The following PACSIN3 variants were observed in gnomAD, a reference collection of about 807,000 sequenced individuals.
PACSIN3 encodes protein kinase C and casein kinase substrate in neurons 3.
Under a neutral mutation model 56.1 loss-of-function variants are expected in PACSIN3, and 34 were observed. The ratio of observed to expected loss-of-function variants is 0.61; its 90% CI spans 0.46 to 0.81. PACSIN3 has a LOEUF of 0.81. Ranked by LOEUF, PACSIN3 falls within the 30% of genes least tolerant of loss-of-function variation. The probability of loss-of-function intolerance (pLI) is 0.00; values close to 1 mark genes in which losing one functional copy is unlikely to be tolerated. For missense variants in PACSIN3, 535 were observed against 592.4 expected (o/e 0.90, Z 1.01); for synonymous variants, 218 against 229.8 (o/e 0.95, Z 0.46).
intron 1 of PACSIN3, among the ~76,000 whole-genome samples, chr11:47,185,006 C>T (rs1035370907): frequency 7.9e-5 from 12 of 152,226 alleles, no homozygotes; most frequent in African/African-American, 2.7e-4. Flanking sequence ...CCAGCCTGAC[C>T]TCTCAGCAAG....
rs756997544 is a variant in PACSIN3, at chr11:47,178,020, C to T, written c.1186G>A (p.Glu396Lys). The T allele has an allele frequency of 1.2e-6, 2 of 1,613,870 alleles. No homozygotes were observed. Among genetic ancestry groups the T allele is most frequent in the Admixed American group, 1.7e-5 (1 of 60,002 alleles). The change falls in exon 11 of 11, where the codon GAG becomes AAG. Residue 396 changes from glutamate (E) to lysine (K), a missense_variant. Physicochemically the swap from Glu to Lys is moderately conservative, Grantham distance 56 (BLOSUM62 1). Transcript: ENST00000298838. This position sits in a 1 kb window ranked among gnomAD's most constrained non-coding sequence, Gnocchi z 4.2. The stretch of plus-strand genomic sequence containing the variant: ...CCTTGGCACCAGCCCTGCTCGTCCT[C>T]CTCACTCATCTTCAGCAGCTCCTCC... ...AGEELLKMSE[E>K]DEQGWCQGQL...
chr11:47,183,740 G>C (rs1022193040), intron 1 of PACSIN3, among the ~76,000 whole-genome samples: 1 of 152,220 alleles, frequency 6.6e-6, no homozygotes, highest in East Asian at 1.9e-4. Flanking sequence ...ATGTCTCCCA[G>C]GCTGGGTGTG....
Position 47,179,699 on chromosome 11 carries a change from G to T in PACSIN3, c.604-113C>A. ...CTAGACCCAGGGCTAGCCACTAGGG[G>T]CAATCAGTCCCAAGACCCAGCTCCT... is the stretch of plus-strand genomic sequence containing the variant. On this transcript the variant is annotated intron_variant, in intron 6 of 10. Transcript: ENST00000298838. This position sits in a 1 kb window ranked among gnomAD's most constrained non-coding sequence, Gnocchi z 4.4. 9.8e-7 allele frequency: 1 copy of T among 1,016,286 alleles called. No homozygotes were observed. Among genetic ancestry groups the T allele is most frequent in the Non-Finnish European group, 1.4e-6 (1 of 705,884 alleles). 63.0% of individuals were successfully genotyped at this position (1,016,286 alleles called of 1,614,324 possible). A position where few individuals can be genotyped will look rare whatever the true frequency, so the allele number is the denominator to read the frequency against.
rs1018004808 is a variant in PACSIN3, at chr11:47,177,897, G to A, written c.*34C>T. The A allele has an allele frequency of 2.0e-5, 31 of 1,520,826 alleles. No homozygotes were observed. Among genetic ancestry groups the A allele is most frequent in the Non-Finnish European group, 2.8e-5 (31 of 1,095,336 alleles). The allele number at this position is 1,520,826 out of a possible 1,614,324, so 94.2% of individuals were successfully genotyped here. ...AGGAGAAGCTGGGCTCTGAACCAGG[G>A]TGGGTAAACGTTGCAGAAGGGCTGT... On this transcript the variant is annotated 3_prime_UTR_variant, in exon 11 of 11. Coordinates refer to ENST00000298838, the MANE Select transcript of PACSIN3 (RefSeq NM_016223.5).
chr11:47,180,788 G>T, intron 4 of PACSIN3, 98 bp from the exon 5 acceptor site: 3 of 886,536 alleles, frequency 3.4e-6, no homozygotes, highest in Non-Finnish European at 5.1e-6. Context: ...TGGGGTACGC[G>T]CATGGGGTGC....
intron 1 of PACSIN3, among the ~76,000 whole-genome samples, chr11:47,185,043 C>A (rs77654484): frequency 0.078 from 11,896 of 152,322 alleles, 482 homozygotes; most frequent in Non-Finnish European, 0.089. Flanking sequence ...GCACCTTGGC[C>A]CCCATTGAGC....
rs553427579 is a variant in PACSIN3, at chr11:47,178,449, G to A, written c.1076C>T (p.Pro359Leu). The A allele has an allele frequency of 6.2e-7, 1 of 1,613,890 alleles. No individual in the cohort carries two copies. Among genetic ancestry groups the A allele is most frequent in the East Asian group, 2.2e-5 (1 of 44,874 alleles). ...QDEEWSDEESPRKAATGVRVR... is the reference protein window; with the variant it reads ...QDEEWSDEESLRKAATGVRVR... ...CCGAACCCCGGTGGCAGCCTTCCGG[G>A]GACTCTCTTCATCTGACCACTCCTC... Residue 359 changes from proline (P) to leucine (L), a missense_variant, in exon 10 of 11, where the codon CCC becomes CTC. Physicochemically the swap from Pro to Leu is moderately conservative, Grantham distance 98. Coordinates refer to ENST00000298838, the MANE Select transcript of PACSIN3 (RefSeq NM_016223.5). The surrounding 1 kb of genome is among the most constrained non-coding windows in gnomAD (Gnocchi z 4.2).
chr11:47,179,132 C>T lies in PACSIN3; in HGVS notation c.900+27G>A. Reference sequence around the variant, plus strand: ...CTGAGTGGGAGCCCATCCCACCTCCCATCCCCACCCCGCCTGGAACACATG... The same window carrying T: ...CTGAGTGGGAGCCCATCCCACCTCCTATCCCCACCCCGCCTGGAACACATG... On this transcript the variant is annotated intron_variant, in intron 8 of 10. Transcript: ENST00000298838. This position sits in a 1 kb window ranked among gnomAD's most constrained non-coding sequence, Gnocchi z 4.4. 1.9e-6 allele frequency: 3 copies of T among 1,613,382 alleles called. No homozygotes were observed. The highest frequency in any genetic ancestry group is 2.5e-6 in the Non-Finnish European group (3 of 1,179,814).
In PACSIN3 at chr11:47,180,290, C is replaced by A. The variant is rs776137905; in HGVS notation, c.499G>T (p.Ala167Ser). The part of the protein sequence containing the change: ...YHAARKDEKT[A>S]QTRESHAKAD... ...TTTGCGTGGCTCTCCCTCGTCTGGG[C>A]GGTCTTCTCATCCTTCCGGGCTGCG... The change falls in exon 6 of 11, where the codon GCC becomes TCC. Residue 167 changes from alanine (A) to serine (S), a missense_variant. Ala to Ser is a moderately conservative substitution (Grantham distance 99, BLOSUM62 1). Coordinates refer to ENST00000298838, the MANE Select transcript of PACSIN3 (RefSeq NM_016223.5). The A allele has an allele frequency of 6.2e-7, 1 of 1,603,122 alleles. No homozygotes were observed. Among genetic ancestry groups the A allele is most frequent in the Non-Finnish European group, 8.5e-7 (1 of 1,179,962 alleles).
chr11:47,186,242 G>A lies in PACSIN3; in HGVS notation c.-104+107C>T, dbSNP rs1482105366. On this transcript the variant is annotated intron_variant, in intron 1 of 10. Transcript: ENST00000298838. The surrounding 1 kb of genome is among the most constrained non-coding windows in gnomAD (Gnocchi z 4.5). ...AGCGGGGTGGCCGGGGGCTCCCTGGGCGGGAGTCGGCTCCATTGCAAACTT... is the reference window on the plus strand; with the variant it reads ...AGCGGGGTGGCCGGGGGCTCCCTGGACGGGAGTCGGCTCCATTGCAAACTT... The A allele has an allele frequency of 6.6e-5, 10 of 152,030 alleles. No individual in the cohort carries two copies. Among genetic ancestry groups the A allele is most frequent in the Admixed American group, 6.5e-4 (10 of 15,280 alleles). The allele number at this position is 152,030 out of a possible 1,614,324, so 9.4% of individuals were successfully genotyped here.
At chr11:47,180,155 G>C in intron 6 of PACSIN3, 31 bp downstream of exon 6, 2 of 1,580,470 alleles carry the variant, frequency 1.3e-6, no homozygotes, top group Non-Finnish European at 1.7e-6. Context: ...TGCCCTGGGC[G>C]GGGGCCAGGG....
chr11:47,182,671 C>A lies in PACSIN3; in HGVS notation c.54+3G>T, dbSNP rs370056659. 2.5e-6 allele frequency: 4 copies of A among 1,611,226 alleles called. No homozygotes were observed. Among genetic ancestry groups the A allele is most frequent in the African/African-American group, 2.7e-5 (2 of 74,864 alleles). On this transcript the variant is annotated splice_donor_region_variant and intron_variant, in intron 3 of 10. Coordinates refer to ENST00000298838, the MANE Select transcript of PACSIN3 (RefSeq NM_016223.5). ...TAGCTGAGCCCAGGACCCAGCTGCT[C>A]ACCTCCCAGAAACTGCCCCCTAAGG...
rs896824017 is a variant in PACSIN3 at position 47,178,230 on chromosome 11, C to G, written c.1159+136G>C. ...AGACCCTGAATGCAGCCACCAGGCA[C>G]CAGCTATCTGGACCTGGAACAGCTG... is the stretch of plus-strand genomic sequence containing the variant. On this transcript the variant is annotated intron_variant, in intron 10 of 10. Coordinates refer to ENST00000298838, the MANE Select transcript of PACSIN3 (RefSeq NM_016223.5). This position sits in a 1 kb window ranked among gnomAD's most constrained non-coding sequence, Gnocchi z 4.2. 87 of 1,307,430 alleles carry G rather than the reference C, an allele frequency of 6.7e-5. No homozygotes were observed. Among genetic ancestry groups the G allele is most frequent in the Non-Finnish European group, 7.7e-5 (72 of 931,900 alleles). The allele number at this position is 1,307,430 out of a possible 1,614,324, so 81.0% of individuals were successfully genotyped here. A position where few individuals can be genotyped will look rare whatever the true frequency, so the allele number is the denominator to read the frequency against.
chr11:47,181,912 G>T (rs1176527572), intron 4 of PACSIN3, among the ~76,000 whole-genome samples: 2 of 152,136 alleles, frequency 1.3e-5, no homozygotes, highest in Non-Finnish European at 2.9e-5. Context: ...CAGCACTTGG[G>T]GAGGCTGAGG....
chr11:47,182,754 CG>C lies in PACSIN3; in HGVS notation c.-28del, dbSNP rs1953052640. ...GTGTCCCCGCAGCACGGAATGGTGG[CG>C]GATTTGGGGCTGTGGAGGGCAGAGG... On this transcript the variant is annotated 5_prime_UTR_variant, in exon 3 of 11. Transcript: ENST00000298838. 6.2e-7 allele frequency: 1 copy of C among 1,603,452 alleles called. No individual in the cohort carries two copies. Among genetic ancestry groups the C allele is most frequent in the East Asian group, 2.2e-5 (1 of 44,780 alleles).
chr11:47,182,870 C>A (rs982044350), intron 2 of PACSIN3, 106 bp from the exon 3 acceptor site: 3 of 788,570 alleles, frequency 3.8e-6, no homozygotes, highest in Admixed American at 3.0e-5. Context: ...TCCCCACCAC[C>A]CAAGGAGTCA....
Position 47,177,974 on chromosome 11 carries a change from A to G in PACSIN3, c.1232T>C (p.Ile411Thr), listed in dbSNP as rs759228010. 2 of 1,614,140 alleles carry G rather than the reference A, an allele frequency of 1.2e-6. No individual in the cohort carries two copies. Among genetic ancestry groups the G allele is most frequent in the Admixed American group, 1.7e-5 (1 of 60,032 alleles). ...WCQGQLQSGRIGLYPANYVEC... is the reference protein window; with the variant it reads ...WCQGQLQSGRTGLYPANYVEC... ...CACGTAGTTGGCAGGGTACAGGCCA[A>G]TGCGGCCACTCTGCAACTGGCCTTG... Residue 411 changes from isoleucine to threonine, a missense_variant, in exon 11 of 11, where the codon ATT (isoleucine) becomes ACT (threonine). Coordinates refer to ENST00000298838, the MANE Select transcript of PACSIN3 (RefSeq NM_016223.5).
rs1952929125 is a variant in PACSIN3 at position 47,178,283 on chromosome 11, G to A, written c.1159+83C>T. On this transcript the variant is annotated intron_variant, in intron 10 of 10. Coordinates refer to ENST00000298838, the MANE Select transcript of PACSIN3 (RefSeq NM_016223.5). The surrounding 1 kb of genome is among the most constrained non-coding windows in gnomAD (Gnocchi z 4.2). ...GGGACAGAGGACTGGCCCTTAAGAA[G>A]TGGGTATTTGGCTTCCCTTTCTGAC... is the stretch of plus-strand genomic sequence containing the variant. The A allele has an allele frequency of 6.5e-7, 1 of 1,538,824 alleles. No homozygotes were observed. Among genetic ancestry groups the A allele is most frequent in the Non-Finnish European group, 8.9e-7 (1 of 1,125,626 alleles).
At chr11:47,183,512 T>C (rs547758547) in intron 1 of PACSIN3, among the ~76,000 whole-genome samples, 2 of 152,350 alleles carry the variant, frequency 1.3e-5, no homozygotes, top group South Asian at 4.1e-4. Context: ...AACTCCTCTG[T>C]GTGCTCAGCT....
Sources: allele counts gnomAD v4.1 joint callset (sites outside exome capture counted in the v4.1 genomes callset), GRCh38; gene constraint gnomAD v4.1.1; non-coding constraint Gnocchi (gnomAD v3.1); transcripts MANE v1.5; gene names NCBI Gene and HGNC (gene_info 2026-07-23, HGNC 2026-07-21).